The following IKBKB-DT variants were observed in gnomAD, a reference collection of about 807,000 sequenced individuals.
IKBKB-DT encodes IKBKB antisense RNA.
intron 3 of IKBKB-DT, among the ~76,000 whole-genome samples, chr8:42,256,427 C>A (rs11986086): frequency 0.036 from 5,405 of 150,130 alleles, 326 homozygotes; most frequent in African/African-American, 0.13. Flanking sequence ...AAAAAAATAG[C>A]TGTGGGTGGT....
chr8:42,254,697 C>A (rs546042833), intron 3 of IKBKB-DT, among the ~76,000 whole-genome samples: 3 of 149,050 alleles, frequency 2.0e-5, no homozygotes, highest in East Asian at 4.1e-4. Flanking sequence ...CTGGCCTCCC[C>A]ATCTGGGATG....
exon 1 of IKBKB-DT, chr8:42,270,921 A>G (rs868013731): frequency 5.9e-6 from 1 of 170,342 alleles, no homozygotes; most frequent in South Asian, 1.0e-4. Flanking sequence ...GAGCGCCCGC[A>G]GTAGGGCGGT....
intron 3 of IKBKB-DT, among the ~76,000 whole-genome samples, chr8:42,254,911 G>A (rs560978693): frequency 1.5e-4 from 22 of 145,382 alleles, no homozygotes; most frequent in East Asian, 4.3e-4. Flanking sequence ...AGTGAGGAGC[G>A]CCTCTCCCCA....
At chr8:42,248,205 A>G (rs575456121) in intron 3 of IKBKB-DT, among the ~76,000 whole-genome samples, 8 of 152,166 alleles carry the variant, frequency 5.3e-5, no homozygotes, top group South Asian at 2.1e-4. Context: ...TTTACAAATT[A>G]CTATCTCAGG....
intron 3 of IKBKB-DT, among the ~76,000 whole-genome samples, chr8:42,254,841 C>T (rs373943202): frequency 2.6e-5 from 4 of 151,070 alleles, no homozygotes; most frequent in African/African-American, 9.7e-5. Context: ...CCCCTCTGCC[C>T]GGCCGCCCCA....
intron 3 of IKBKB-DT, among the ~76,000 whole-genome samples, chr8:42,254,423 G>A (rs117343703): frequency 0.029 from 3,896 of 135,184 alleles, 89 homozygotes; most frequent in East Asian, 0.1. Context: ...CCCAGCCACC[G>A]CCCCGTCTGG....
In IKBKB-DT at chr8:42,239,614, T is replaced by TTTTATATATATATATATATA. The variant is rs1554502579; in HGVS notation, n.1530-5756_1530-5755insTATATATATATATATATAAA. On this transcript the variant is annotated intron_variant and non_coding_transcript_variant, in intron 3 of 3. Coordinates refer to ENST00000518213, the Ensembl canonical transcript of IKBKB-DT. ...CCAACCAATTTTTGTAAAAGGCAAT[T>TTTTATATATATATATATATA]TATATATATATATATATATATTTAT... Among the ~76,000 whole-genome samples the TTTTATATATATATATATATA allele has an allele frequency of 6.3e-3, 125 of 19,780 alleles. 5 individuals are homozygous for TTTTATATATATATATATATA. The highest frequency in any genetic ancestry group is 8.7e-3 in the Non-Finnish European group (78 of 9,000). The allele number at this position is 19,780 out of a possible 152,430, so 13.0% of individuals were successfully genotyped here. A position where few individuals can be genotyped will look rare whatever the true frequency, so the allele number is the denominator to read the frequency against.
At chr8:42,268,215 A>G (rs1458565743) in intron 1 of IKBKB-DT, among the ~76,000 whole-genome samples, 1 of 150,382 alleles carries the variant, frequency 6.6e-6, no homozygotes, top group East Asian at 1.9e-4. Context: ...GCTCACTGCA[A>G]CCTCTGCCTC....
rs763261309 is a variant in IKBKB-DT at position 42,246,388 on chromosome 8, T to C, written n.1530-12529A>G. Among the ~76,000 whole-genome samples, 5 of 152,234 alleles carry C rather than the reference T, an allele frequency of 3.3e-5. No homozygotes were observed. In the South Asian group the frequency reaches 8.3e-4, roughly 25 times the overall value. On this transcript the variant is annotated intron_variant and non_coding_transcript_variant, in intron 3 of 3. Transcript: ENST00000518213. Reference sequence around the variant, plus strand: ...AAAATTGCAGAAAAGTTTATCTCTGTGAGTGACTTTGTCAGAGTTTCACTT... The same window carrying C: ...AAAATTGCAGAAAAGTTTATCTCTGCGAGTGACTTTGTCAGAGTTTCACTT...
intron 3 of IKBKB-DT, among the ~76,000 whole-genome samples, chr8:42,247,349 A>G (rs7822157): frequency 0.057 from 8,661 of 152,158 alleles, 753 homozygotes; most frequent in African/African-American, 0.19. Context: ...GGTTTTGGCC[A>G]ATTTCTCCTA....
chr8:42,251,692 A>T (rs982470183), intron 3 of IKBKB-DT, among the ~76,000 whole-genome samples: 4 of 152,076 alleles, frequency 2.6e-5, no homozygotes, highest in Admixed American at 2.0e-4. Flanking sequence ...TTAGCCAGGC[A>T]TGGTGGCAGA....
chr8:42,270,191 T>C (rs896024585), intron 1 of IKBKB-DT, among the ~76,000 whole-genome samples: 1 of 152,114 alleles, frequency 6.6e-6, no homozygotes, highest in Non-Finnish European at 1.5e-5. Context: ...GCCATGTACC[T>C]TGGAAATAAT....
At chr8:42,257,919 T>C (rs1430132857) in intron 3 of IKBKB-DT, among the ~76,000 whole-genome samples, 2 of 151,468 alleles carry the variant, frequency 1.3e-5, no homozygotes, top group Non-Finnish European at 2.9e-5. Context: ...TACAGAAAGG[T>C]ATACAGTTTT....
At position 42,241,224 on chromosome 8, in the gene IKBKB-DT, C is replaced by CTTTTTTTT. The variant is rs773177896; in HGVS notation, n.1530-7373_1530-7366dup. The stretch of plus-strand genomic sequence containing the variant: ...TTGATGCCTTTAGATATGTTGGAAT[C>CTTTTTTTT]TTTTTTTTTTTTTTTTTTTTTTTTT... On this transcript the variant is annotated intron_variant and non_coding_transcript_variant, in intron 3 of 3. Transcript: ENST00000518213. Among the ~76,000 whole-genome samples, 160 of 45,688 alleles carry CTTTTTTTT rather than the reference C, an allele frequency of 3.5e-3. 54 individuals are homozygous for CTTTTTTTT. The highest frequency in any genetic ancestry group is 5.9e-3 in the East Asian group (4 of 674). 30.0% of individuals were successfully genotyped at this position (45,688 alleles called of 152,430 possible).
At chr8:42,246,529 C>T (rs1807066882) in intron 3 of IKBKB-DT, among the ~76,000 whole-genome samples, 1 of 152,094 alleles carries the variant, frequency 6.6e-6, no homozygotes, top group Non-Finnish European at 1.5e-5. Flanking sequence ...TGTCAGGATC[C>T]AGTGAGATGT....
intron 3 of IKBKB-DT, among the ~76,000 whole-genome samples, chr8:42,262,077 C>G (rs1585468627): frequency 1.4e-5 from 2 of 141,814 alleles, no homozygotes; most frequent in African/African-American, 2.6e-5. Context: ...ACCAGAGTCA[C>G]TGTCCAAAAA....
At chr8:42,240,036 T>C (rs1806979976) in intron 3 of IKBKB-DT, among the ~76,000 whole-genome samples, 1 of 152,172 alleles carries the variant, frequency 6.6e-6, no homozygotes, top group African/African-American at 2.4e-5. Context: ...TTTTCCTTTA[T>C]AACAAACTGA....
exon 2 of IKBKB-DT, chr8:42,265,637 C>G (rs560254364): frequency 2.0e-5 from 3 of 152,246 alleles, no homozygotes; most frequent in Admixed American, 1.3e-4. Flanking sequence ...TAGACGTCTA[C>G]ACCGGCCCAT....
chr8:42,262,644 T>C (rs890400654), intron 3 of IKBKB-DT, among the ~76,000 whole-genome samples: 28 of 151,990 alleles, frequency 1.8e-4, no homozygotes, highest in Non-Finnish European at 3.2e-4. Context: ...TTTCACCGTG[T>C]TAGCCAGGAT....
Sources: gnomAD v4.1 joint callset for allele counts (sites outside exome capture counted in the v4.1 genomes callset) on GRCh38, gnomAD v4.1.1 for gene constraint, MANE v1.5 for transcripts, NCBI Gene and HGNC (gene_info 2026-07-23, HGNC 2026-07-21) for gene names.